The following THSD7A variants were observed in gnomAD, a reference collection of about 807,000 sequenced individuals.
THSD7A encodes thrombospondin type 1 domain containing 7A, also known as thrombospondin type-1 domain-containing protein 7A.
THSD7A carries 96 observed loss-of-function variants against 231.3 expected under a neutral mutation model. That is an observed-to-expected ratio of 0.41 (90% CI 0.35 to 0.49). The LOEUF (loss-of-function observed/expected upper bound fraction) is 0.49, where lower values mean the gene tolerates loss of function less well. Among genes scored for constraint, THSD7A ranks in the 20% least tolerant of loss-of-function variants. THSD7A has a pLI of 0.05. For missense variants in THSD7A, 2,290 were observed against 2,070.2 expected, an observed-to-expected ratio of 1.11 and a Z score of -2.06; for synonymous variants, 940 against 743.3, an observed-to-expected ratio of 1.26 and a Z score of -4.30.
intron 7 of THSD7A, among the ~76,000 whole-genome samples, chr7:11,476,741 G>C (rs749427643): frequency 6.6e-6 from 1 of 151,510 alleles, no homozygotes; most frequent in Non-Finnish European, 1.5e-5. Context: ...CTTGAGCCTG[G>C]GAGGTGGAGG....
chr7:11,674,385 T>C (rs1039945963), intron 1 of THSD7A, among the ~76,000 whole-genome samples: 12 of 152,132 alleles, frequency 7.9e-5, no homozygotes, highest in African/African-American at 2.9e-4. Flanking sequence ...AAGATGAGCA[T>C]AAGCTTGGGG....
chr7:11,603,268 C>T (rs1285470575), intron 2 of THSD7A, among the ~76,000 whole-genome samples: 1 of 151,188 alleles, frequency 6.6e-6, no homozygotes, highest in Non-Finnish European at 1.5e-5. Flanking sequence ...CCAAAAAACA[C>T]ATGAAAAAAT....
At chr7:11,626,876 A>G (rs1781487565) in intron 2 of THSD7A, among the ~76,000 whole-genome samples, 1 of 152,172 alleles carries the variant, frequency 6.6e-6, no homozygotes, top group Non-Finnish European at 1.5e-5. Context: ...CCTAAATGGA[A>G]TCAGTATAAA....
chr7:11,583,722 G>A (rs996817113), intron 4 of THSD7A, among the ~76,000 whole-genome samples: 1 of 152,116 alleles, frequency 6.6e-6, no homozygotes, highest in East Asian at 1.9e-4. Flanking sequence ...GGTAAATCCT[G>A]TGCCTTAGGT....
intron 1 of THSD7A, among the ~76,000 whole-genome samples, chr7:11,704,251 C>G (rs1780692812): frequency 6.6e-6 from 1 of 150,740 alleles, no homozygotes; most frequent in South Asian, 2.1e-4. Flanking sequence ...TGCCTGAAAT[C>G]CAAAATCATC....
intron 4 of THSD7A, among the ~76,000 whole-genome samples, chr7:11,566,544 A>G (rs974394970): frequency 6.6e-6 from 1 of 152,226 alleles, no homozygotes; most frequent in Non-Finnish European, 1.5e-5. Flanking sequence ...CCATGGTACT[A>G]CATGCATACC....
intron 6 of THSD7A, among the ~76,000 whole-genome samples, chr7:11,541,113 C>A (rs185261809): frequency 7.7e-4 from 117 of 152,232 alleles, no homozygotes; most frequent in Admixed American, 1.2e-3. Context: ...GTTACCTTTA[C>A]TTGTTATTGT....
At chr7:11,745,995 G>T (rs1022212626) in intron 1 of THSD7A, among the ~76,000 whole-genome samples, 1 of 151,998 alleles carries the variant, frequency 6.6e-6, no homozygotes, top group African/African-American at 2.4e-5. Flanking sequence ...GTCATTGGTA[G>T]CTTGATGGGG....
intron 11 of THSD7A, among the ~76,000 whole-genome samples, chr7:11,452,582 T>C (rs566769076): frequency 3.4e-4 from 51 of 152,138 alleles, no homozygotes; most frequent in Admixed American, 3.1e-3. Flanking sequence ...TAATAATCAG[T>C]TCCCAGTGGA....
In THSD7A at chr7:11,533,880, G is replaced by T. The variant is rs116420488; in HGVS notation, c.1822+7539C>A. Among the ~76,000 whole-genome samples the T allele has an allele frequency of 1.9e-3, 293 of 152,194 alleles. 1 individual carries two copies. Among genetic ancestry groups the T allele is most frequent in the African/African-American group, 6.8e-3 (284 of 41,526 alleles). ...CTACAGGTTCTGCACTTGTATCTTG[G>T]GACTTAAAGTGATTTAAAAAACTGT... On this transcript the variant is annotated intron_variant, in intron 6 of 27. Transcript: ENST00000423059.
chr7:11,776,113 A>G (rs926903364), intron 1 of THSD7A, among the ~76,000 whole-genome samples: 5 of 152,206 alleles, frequency 3.3e-5, no homozygotes, highest in Non-Finnish European at 5.9e-5. Flanking sequence ...GATTGGCCCA[A>G]GGGAGATGCA....
At chr7:11,701,791 T>C (rs1780609843) in intron 1 of THSD7A, among the ~76,000 whole-genome samples, 1 of 151,254 alleles carries the variant, frequency 6.6e-6, no homozygotes, top group Non-Finnish European at 1.5e-5. Flanking sequence ...AATCTACTTC[T>C]CAAATGACTG....
intron 6 of THSD7A, 87 bp downstream of exon 6, chr7:11,541,332 C>A: frequency 1.6e-6 from 2 of 1,275,350 alleles, no homozygotes; most frequent in Non-Finnish European, 2.2e-6. Context: ...AGTTATAATG[C>A]GAGAAGACAC....
At chr7:11,400,729 A>T (rs368456360) in intron 23 of THSD7A, among the ~76,000 whole-genome samples, 1 of 152,170 alleles carries the variant, frequency 6.6e-6, no homozygotes, top group African/African-American at 2.4e-5. Context: ...CATCTAGCCC[A>T]TTTGGTTTTT....
chr7:11,827,029 G>A (rs1050440735), intron 1 of THSD7A, among the ~76,000 whole-genome samples: 1 of 151,854 alleles, frequency 6.6e-6, no homozygotes, highest in Non-Finnish European at 1.5e-5. Flanking sequence ...TTAGAGACAG[G>A]ATCTTGCTCT....
rs1388780352 is a variant in THSD7A, at chr7:11,590,120, GAATA to G, written c.1453+336_1453+339del. 3.3e-5 allele frequency among the ~76,000 whole-genome samples: 5 copies of G among 151,998 alleles called. No homozygotes were observed. The highest frequency in any genetic ancestry group is 2.6e-4 in the Admixed American group (4 of 15,248). ...ACTTCTTATATAATTTTGGAATTTA[GAATA>G]TATATTTGCATGATATGTGTATATT... On this transcript the variant is annotated intron_variant, in intron 4 of 27. Coordinates refer to ENST00000423059, the MANE Select transcript of THSD7A (RefSeq NM_015204.3). This position sits in a 1 kb window ranked among gnomAD's most constrained non-coding sequence, Gnocchi z 4.4.
At chr7:11,509,196 A>G (rs898038140) in intron 6 of THSD7A, among the ~76,000 whole-genome samples, 3 of 152,194 alleles carry the variant, frequency 2.0e-5, no homozygotes, top group African/African-American at 4.8e-5. Flanking sequence ...TTAGCTTTCT[A>G]TATTCCACTG....
intron 1 of THSD7A, among the ~76,000 whole-genome samples, chr7:11,749,360 T>C (rs970152894): frequency 4.6e-5 from 7 of 151,928 alleles, no homozygotes; most frequent in Non-Finnish European, 1.5e-5. Flanking sequence ...TCCCCCTTAA[T>C]TCTTAGAGCA....
rs1007068414 is a variant in THSD7A at position 11,814,349 on chromosome 7, C to T, written c.190+17408G>A. Among the ~76,000 whole-genome samples, 1 of 152,116 alleles carries T rather than the reference C, an allele frequency of 6.6e-6. No individual in the cohort carries two copies. Among genetic ancestry groups the T allele is most frequent in the Non-Finnish European group, 1.5e-5 (1 of 68,012 alleles). On this transcript the variant is annotated intron_variant, in intron 1 of 27. Transcript: ENST00000423059. This position sits in a 1 kb window ranked among gnomAD's most constrained non-coding sequence, Gnocchi z 5.1. The stretch of plus-strand genomic sequence containing the variant: ...TCCCAAGTATTCAGCACGTGACAAA[C>T]AAAGGAGATTCATCTCATTTATAAT...
Sources: gnomAD v4.1 joint callset for allele counts (sites outside exome capture counted in the v4.1 genomes callset) on GRCh38, gnomAD v4.1.1 for gene constraint, Gnocchi (gnomAD v3.1) non-coding constraint, MANE v1.5 for transcripts, NCBI Gene and HGNC (gene_info 2026-07-23, HGNC 2026-07-21) for gene names.